Variants in KLHL20 observed in about 807,000 individuals in gnomAD.
KLHL20 encodes kelch like family member 20, also known as kelch-like protein 20.
A neutral mutation model predicts 69.5 loss-of-function variants in KLHL20; 29 were observed. The ratio of observed to expected loss-of-function variants is 0.42; its 90% CI spans 0.31 to 0.57. The LOEUF is 0.57. Ranked by LOEUF, KLHL20 falls within the 20% of genes least tolerant of loss-of-function variation. The probability of loss-of-function intolerance (pLI) is 0.18; values close to 1 mark genes in which losing one functional copy is unlikely to be tolerated. For synonymous variants in KLHL20, 253 were observed against 265.2 expected, an observed-to-expected ratio of 0.95 and a Z score of 0.45; for missense variants, 419 against 776.0, an observed-to-expected ratio of 0.54 and a Z score of 5.47.
At chr1:173,731,355 TC>T (rs1391928391) in intron 2 of KLHL20, among the ~76,000 whole-genome samples, 2 of 152,256 alleles carry the variant, frequency 1.3e-5, no homozygotes, top group African/African-American at 4.8e-5. Flanking sequence ...GACCCAGCCA[TC>T]CCAATACTGG....
At chr1:173,746,266 T>C (rs1045021762) in intron 3 of KLHL20, among the ~76,000 whole-genome samples, 1 of 152,186 alleles carries the variant, frequency 6.6e-6, no homozygotes, top group Non-Finnish European at 1.5e-5. Flanking sequence ...CTTTGTCAAG[T>C]TAAGTATGAA....
intron 3 of KLHL20, among the ~76,000 whole-genome samples, chr1:173,750,053 A>G (rs1343489508): frequency 6.6e-6 from 1 of 152,178 alleles, no homozygotes; most frequent in Non-Finnish European, 1.5e-5. Context: ...TGCCAAACTA[A>G]GCCGCCCTAC....
intron 2 of KLHL20, among the ~76,000 whole-genome samples, chr1:173,728,513 T>G (rs1571858563): frequency 2.6e-5 from 4 of 152,064 alleles, no homozygotes; most frequent in African/African-American, 9.7e-5. Flanking sequence ...CCTCAGCAAA[T>G]GTAAAAGAAC....
intron 1 of KLHL20, chr1:173,715,420 G>T (rs536301235): frequency 2.6e-5 from 4 of 152,570 alleles, no homozygotes; most frequent in African/African-American, 9.6e-5. Flanking sequence ...CTCGGGACCT[G>T]GCGAAATCCT....
chr1:173,720,187 A>C (rs1370716692), intron 2 of KLHL20, among the ~76,000 whole-genome samples: 1 of 152,204 alleles, frequency 6.6e-6, no homozygotes, highest in Non-Finnish European at 1.5e-5. Context: ...ATGTAAACTT[A>C]AGAGGAGGGA....
chr1:173,756,626 C>T lies in KLHL20; in HGVS notation c.968-350C>T, dbSNP rs887923484. On this transcript the variant is annotated intron_variant, in intron 6 of 11. Transcript: ENST00000209884. ...ATCAATGTGCAGCTCATCCCATAAT[C>T]ACATGGAATTGTGAAAAAACATTAA... 2.6e-5 allele frequency among the ~76,000 whole-genome samples: 4 copies of T among 152,210 alleles called. No homozygotes were observed. The East Asian group carries it at 7.7e-4, about 29-fold the overall frequency.
intron 11 of KLHL20, among the ~76,000 whole-genome samples, chr1:173,784,678 C>G (rs944525177): frequency 2.6e-5 from 4 of 152,092 alleles, no homozygotes; most frequent in Admixed American, 1.3e-4. Flanking sequence ...GCTGACTTTA[C>G]TCAAATCTGG....
At chr1:173,716,776 A>G (rs1251134529) in intron 2 of KLHL20, among the ~76,000 whole-genome samples, 6 of 152,202 alleles carry the variant, frequency 3.9e-5, no homozygotes, top group African/African-American at 1.4e-4. Context: ...GTTATTTAAC[A>G]TCAAAGATAA....
chr1:173,734,029 A>T lies in KLHL20; in HGVS notation c.340A>T (p.Ile114Phe). The T allele has an allele frequency of 6.2e-7, 1 of 1,614,172 alleles. No individual in the cohort carries two copies. Among genetic ancestry groups the T allele is most frequent in the South Asian group, 1.1e-5 (1 of 91,082 alleles). ...SRQTEVVIRD[I>F]DERAMELLID... ...TCAGACAGAAGTAGTGATCCGAGACATTGACGAGAGGGCTATGGAATTACT... is the reference window on the plus strand; with the variant it reads ...TCAGACAGAAGTAGTGATCCGAGACTTTGACGAGAGGGCTATGGAATTACT... Residue 114 changes from isoleucine to phenylalanine, a missense_variant, in exon 3 of 12, where the codon ATT becomes TTT. Coordinates refer to ENST00000209884, the MANE Select transcript of KLHL20 (RefSeq NM_014458.4).
chr1:173,729,844 A>G (rs1279704751), intron 2 of KLHL20, among the ~76,000 whole-genome samples: 1 of 152,214 alleles, frequency 6.6e-6, no homozygotes, highest in African/African-American at 2.4e-5. Flanking sequence ...CTCCTATTCA[A>G]CATAGTGTTG....
chr1:173,719,384 G>A (rs1235133642), intron 2 of KLHL20, among the ~76,000 whole-genome samples: 2 of 151,832 alleles, frequency 1.3e-5, no homozygotes, highest in African/African-American at 2.4e-5. Context: ...AGGCTGAGGC[G>A]GGCAGATCAC....
intron 3 of KLHL20, among the ~76,000 whole-genome samples, chr1:173,742,708 A>G (rs541384883): frequency 6.7e-6 from 1 of 149,892 alleles, no homozygotes; most frequent in African/African-American, 2.5e-5. Context: ...GTACATATAC[A>G]TATGTACACA....
intron 3 of KLHL20, among the ~76,000 whole-genome samples, chr1:173,738,675 C>T (rs780356686): frequency 6.6e-6 from 1 of 151,958 alleles, no homozygotes; most frequent in Admixed American, 6.6e-5. Flanking sequence ...CCTTCTATGC[C>T]GATTTTCCTG....
intron 7 of KLHL20, among the ~76,000 whole-genome samples, chr1:173,759,729 T>C (rs1211015651): frequency 6.6e-6 from 1 of 152,122 alleles, no homozygotes; most frequent in East Asian, 1.9e-4. Flanking sequence ...AACGATAGCC[T>C]TCATCCCTAG....
intron 3 of KLHL20, among the ~76,000 whole-genome samples, chr1:173,739,655 T>C (rs1672701897): frequency 6.8e-6 from 1 of 147,760 alleles, no homozygotes; most frequent in Admixed American, 6.8e-5. Flanking sequence ...CCTTTTTTTT[T>C]TTTTTTTTTT....
intron 7 of KLHL20, among the ~76,000 whole-genome samples, chr1:173,761,482 A>G (rs1275403098): frequency 5.9e-5 from 9 of 152,248 alleles, no homozygotes; most frequent in Non-Finnish European, 8.8e-5. Context: ...ACCATAAGAT[A>G]GGTCATAAAA....
intron 8 of KLHL20, among the ~76,000 whole-genome samples, chr1:173,773,185 T>G (rs6686455): frequency 0.09 from 13,682 of 151,920 alleles, 1,998 homozygotes; most frequent in African/African-American, 0.31. Flanking sequence ...AGGCTGGTCT[T>G]GAACTCGAAC....
At chr1:173,742,647 GTATGTATATAC>G (rs1354585868) in intron 3 of KLHL20, among the ~76,000 whole-genome samples, 1 of 149,138 alleles carries the variant, frequency 6.7e-6, no homozygotes, top group African/African-American at 2.5e-5. Context: ...GTATATACGT[GTATGTATATAC>G]ACGTATGTGT....
chr1:173,763,271 T>C (rs950194002), intron 7 of KLHL20, among the ~76,000 whole-genome samples: 17 of 152,202 alleles, frequency 1.1e-4, no homozygotes, highest in African/African-American at 3.1e-4. Flanking sequence ...CCCATGCTCA[T>C]GGATGGGTAG....
Sources: allele counts gnomAD v4.1 joint callset (sites outside exome capture counted in the v4.1 genomes callset), GRCh38; gene constraint gnomAD v4.1.1; transcripts MANE v1.5; gene names NCBI Gene and HGNC (gene_info 2026-07-23, HGNC 2026-07-21).